IRF4: variants seen among roughly 807,000 people sequenced by gnomAD.
IRF4 encodes the protein interferon regulatory factor 4.
Under a neutral mutation model 55.5 loss-of-function variants are expected in IRF4, and 13 were observed. The observed-to-expected ratio is 0.23, with a 90% CI of 0.15 to 0.37. The LOEUF (loss-of-function observed/expected upper bound fraction) is 0.37, where lower values mean the gene tolerates loss of function less well. IRF4 is among the 10% of genes least tolerant of loss of function. The pLI, the probability that IRF4 is intolerant of heterozygous loss-of-function variation, is 1.00. For synonymous variants in IRF4, 249 were observed against 240.7 expected, an observed-to-expected ratio of 1.03 and a Z score of -0.32; for missense variants, 397 against 593.8, an observed-to-expected ratio of 0.67 and a Z score of 3.44.
rs374507226 is a variant in IRF4, at chr6:404,990, A to G, written c.1100-28A>G. ...TGTTCGGTGATGAGGGTTTCTGAAC[A>G]TGGTCTCTTTCTTGTGGGCTTCTAC... On this transcript the variant is annotated intron_variant, in intron 7 of 8. Coordinates refer to ENST00000380956, the MANE Select transcript of IRF4 (RefSeq NM_002460.4). The G allele has an allele frequency of 5.2e-5, 74 of 1,424,852 alleles. No individual in the cohort carries two copies. The African/African-American group carries it at 6.9e-4, about 13-fold the overall frequency. The allele number at this position is 1,424,852 out of a possible 1,614,324, so 88.3% of individuals were successfully genotyped here.
At position 407,663 on chromosome 6, in the gene IRF4, G is replaced by A. The variant is rs570237434; in HGVS notation, c.*65G>A. 1.4e-6 allele frequency: 2 copies of A among 1,410,354 alleles called. No homozygotes were observed. The highest frequency in any genetic ancestry group is 3.0e-5 in the African/African-American group (2 of 67,318). 87.4% of individuals were successfully genotyped at this position (1,410,354 alleles called of 1,614,324 possible). The stretch of plus-strand genomic sequence containing the variant: ...TTTTTTTTTTTGATACGGGGATACG[G>A]GGTCTTGCTCTGTCTCCCAGGCTGG... On this transcript the variant is annotated 3_prime_UTR_variant, in exon 9 of 9. Transcript: ENST00000380956.
chr6:401,810 T>C, intron 7 of IRF4, 33 bp downstream of exon 7: 6 of 1,592,390 alleles, frequency 3.8e-6, no homozygotes, highest in Non-Finnish European at 4.3e-6. Flanking sequence ...AGAATGGAGG[T>C]GGTGATGGCC....
At chr6:392,682 C>G (rs1216662014) in intron 1 of IRF4, among the ~76,000 whole-genome samples, 2 of 115,974 alleles carry the variant, frequency 1.7e-5, no homozygotes, top group African/African-American at 7.0e-5. Context: ...TGGAAACTGA[C>G]AGAGTCGCGG....
intron 7 of IRF4, 181 bp downstream of exon 7, chr6:401,958 A>G: frequency 1.6e-6 from 1 of 606,898 alleles, no homozygotes. Flanking sequence ...GTGGGCAGAG[A>G]GTCCGGATCA....
chr6:401,319 G>A (rs1204795016), intron 6 of IRF4, 105 bp from the exon 7 acceptor site: 1 of 840,186 alleles, frequency 1.2e-6, no homozygotes, highest in Non-Finnish European at 1.9e-6. Context: ...CACGGGACAT[G>A]TGGGACACTA....
chr6:394,936 T>C lies in IRF4; in HGVS notation c.332T>C (p.Val111Ala). 6.2e-7 allele frequency: 1 copy of C among 1,614,214 alleles called. No individual in the cohort carries two copies. The highest frequency in any genetic ancestry group is 8.5e-7 in the Non-Finnish European group (1 of 1,180,034). ...AAGAGCAATGACTTTGAGGAACTGG[T>C]TGAGCGGAGCCAGCTGGACATCTCA... ...LNKSNDFEEL[V>A]ERSQLDISDP... The change falls in exon 3 of 9, where the codon GTT becomes GCT. Residue 111 changes from valine (V) to alanine (A), a missense_variant. Val to Ala is a moderately conservative substitution (Grantham distance 64). This residue lies in a region of IRF4 where 341 missense variants were observed against 548.1 expected (regional missense o/e 0.62). Coordinates refer to ENST00000380956, the MANE Select transcript of IRF4 (RefSeq NM_002460.4).
chr6:393,790 G>C lies in IRF4; in HGVS notation c.216+422G>C, dbSNP rs569005715. Among the ~76,000 whole-genome samples the C allele has an allele frequency of 6.9e-4, 105 of 152,204 alleles. No homozygotes were observed. Among genetic ancestry groups the C allele is most frequent in the Admixed American group, 1.4e-3 (22 of 15,292 alleles). On this transcript the variant is annotated intron_variant, in intron 2 of 8. Transcript: ENST00000380956. This position sits in a 1 kb window ranked among gnomAD's most constrained non-coding sequence, Gnocchi z 5.4. ...CGCGCCTGTGCCGGCGGCTGTTTTC[G>C]TCTCTCACCGCGTCTCTGTTTCTCT...
At chr6:395,967 C>G in intron 4 of IRF4, 32 bp downstream of exon 4, 5 of 1,561,464 alleles carry the variant, frequency 3.2e-6, no homozygotes, top group Non-Finnish European at 4.4e-6. Context: ...TCCCTGAGGG[C>G]GAGGCTGTGT....
chr6:403,472 G>C (rs1408027019), intron 7 of IRF4, among the ~76,000 whole-genome samples: 1 of 152,234 alleles, frequency 6.6e-6, no homozygotes, highest in East Asian at 1.9e-4. Context: ...CCTCTTGCTG[G>C]GCGTTTTTAG....
intron 8 of IRF4, chr6:406,802 A>C: frequency 8.2e-7 from 1 of 1,221,386 alleles, no homozygotes; most frequent in South Asian, 1.4e-5. Flanking sequence ...CATATATAAA[A>C]TACAGTCTCT....
At chr6:399,390 A>C (rs971598543) in intron 6 of IRF4, among the ~76,000 whole-genome samples, 1 of 152,072 alleles carries the variant, frequency 6.6e-6, no homozygotes, top group Admixed American at 6.6e-5. Context: ...CTGGTCCCTC[A>C]TCTCTAAAAC....
chr6:403,969 AAGC>A (rs1013558829), intron 7 of IRF4, among the ~76,000 whole-genome samples: 1 of 152,192 alleles, frequency 6.6e-6, no homozygotes, highest in Non-Finnish European at 1.5e-5. Flanking sequence ...AAAAAAAAAA[AAGC>A]AGGAAGTCAA....
At chr6:407,397 A>G in intron 8 of IRF4, 58 bp from the exon 9 acceptor site, 1 of 1,496,652 alleles carries the variant, frequency 6.7e-7, no homozygotes, top group South Asian at 1.2e-5. Flanking sequence ...AGTGCTGTTT[A>G]ATAGTGAGCC....
At chr6:406,523 C>T (rs931364755) in intron 8 of IRF4, among the ~76,000 whole-genome samples, 2 of 150,870 alleles carry the variant, frequency 1.3e-5, no homozygotes, top group African/African-American at 4.8e-5. Flanking sequence ...GCCTGGGTGA[C>T]AGAGTGAGAC....
At chr6:397,330 C>T (rs2127438198) in intron 5 of IRF4, 78 bp downstream of exon 5, 2 of 1,527,756 alleles carry the variant, frequency 1.3e-6, no homozygotes, top group East Asian at 2.3e-5. Flanking sequence ...CCTGGTCTGT[C>T]CTGGGCAGCA....
rs956303914 is a variant in IRF4, at chr6:408,131, C to T, written c.*533C>T. 2.1e-5 allele frequency: 5 copies of T among 240,434 alleles called. No homozygotes were observed. The highest frequency in any genetic ancestry group is 4.1e-5 in the Non-Finnish European group (5 of 123,232). 14.9% of individuals were successfully genotyped at this position (240,434 alleles called of 1,614,324 possible). A position where few individuals can be genotyped will look rare whatever the true frequency, so the allele number is the denominator to read the frequency against. On this transcript the variant is annotated 3_prime_UTR_variant, in exon 9 of 9. Coordinates refer to ENST00000380956, the MANE Select transcript of IRF4 (RefSeq NM_002460.4). Reference sequence around the variant, plus strand: ...CTTGCTGGAAGACAGAGAAAACTTGCCTTTCAGTATTGACACTGACTAGAG... The same window carrying T: ...CTTGCTGGAAGACAGAGAAAACTTGTCTTTCAGTATTGACACTGACTAGAG...
chr6:397,305 T>C, intron 5 of IRF4, 53 bp downstream of exon 5: 1 of 1,596,174 alleles, frequency 6.3e-7, no homozygotes, highest in Non-Finnish European at 8.6e-7. Flanking sequence ...AATGTGGCCA[T>C]GGGCCATGGC....
intron 4 of IRF4, 132 bp downstream of exon 4, chr6:396,067 C>T (rs79212534): frequency 3.0e-6 from 2 of 660,264 alleles, no homozygotes; most frequent in African/African-American, 3.7e-5. Flanking sequence ...CCCAGAAAAA[C>T]CCCAGGTCAC....
chr6:406,055 C>T lies in IRF4; in HGVS notation c.1212+925C>T, dbSNP rs372608027. 1.6e-4 allele frequency among the ~76,000 whole-genome samples: 25 copies of T among 152,302 alleles called. No homozygotes were observed. The East Asian group carries it at 3.3e-3, about 20-fold the overall frequency. On this transcript the variant is annotated intron_variant, in intron 8 of 8. Transcript: ENST00000380956. ...GGTTTAATCTTGAACATACAACCCCCCTTCTTGATTTTAAAAACAAAGACC... is the reference window on the plus strand; with the variant it reads ...GGTTTAATCTTGAACATACAACCCCTCTTCTTGATTTTAAAAACAAAGACC...
Sources: allele counts gnomAD v4.1 joint callset (sites outside exome capture counted in the v4.1 genomes callset), GRCh38; gene constraint gnomAD v4.1.1; regional missense constraint gnomAD v4.1.1; non-coding constraint Gnocchi (gnomAD v3.1); transcripts MANE v1.5; gene names NCBI Gene and HGNC (gene_info 2026-07-23, HGNC 2026-07-21).